The following EXOC4 variants were observed in gnomAD, a reference collection of about 807,000 sequenced individuals.
EXOC4 encodes SEC8-like 1.
Under a neutral mutation model 107.2 loss-of-function variants are expected in EXOC4, and 71 were observed. That is an observed-to-expected ratio of 0.66 (90% CI 0.55 to 0.81). EXOC4 has a LOEUF of 0.81. EXOC4 is among the 30% of genes least tolerant of loss of function. EXOC4 has a pLI of 0.00. For synonymous variants in EXOC4, 456 were observed against 441.2 expected (o/e 1.03, Z -0.42); for missense variants, 1,108 against 1,189.6 (o/e 0.93, Z 1.01).
intron 10 of EXOC4, among the ~76,000 whole-genome samples, chr7:133,760,851 C>G (rs1047194696): frequency 1.3e-5 from 2 of 152,028 alleles, no homozygotes; most frequent in Non-Finnish European, 2.9e-5. Context: ...ATTTCCAAGG[C>G]TTAGGAAATG....
downstream of EXOC4, among the ~76,000 whole-genome samples, chr7:134,067,023 AC>A (rs1796186763): frequency 6.6e-6 from 1 of 151,746 alleles, no homozygotes; most frequent in Non-Finnish European, 1.5e-5. Flanking sequence ...GGTGGTGCAC[AC>A]CTGTAATCCC....
At chr7:133,302,400 A>G (rs544888185) in intron 3 of EXOC4, among the ~76,000 whole-genome samples, 1 of 152,284 alleles carries the variant, frequency 6.6e-6, no homozygotes, top group East Asian at 1.9e-4. Flanking sequence ...ATTCACTGGT[A>G]GTCATATCTG....
chr7:133,724,075 A>C (rs748456228), intron 10 of EXOC4, among the ~76,000 whole-genome samples: 4 of 152,214 alleles, frequency 2.6e-5, no homozygotes, highest in Non-Finnish European at 5.9e-5. Flanking sequence ...AGAGCCAAAA[A>C]TCTTACATAA....
intron 13 of EXOC4, among the ~76,000 whole-genome samples, chr7:133,929,756 G>T (rs942266863): frequency 2.0e-5 from 3 of 151,982 alleles, no homozygotes; most frequent in Non-Finnish European, 2.9e-5. Context: ...CATGTCTACT[G>T]CTCCCTTCTT....
At chr7:133,808,893 T>A (rs1797147126) in intron 10 of EXOC4, among the ~76,000 whole-genome samples, 1 of 152,184 alleles carries the variant, frequency 6.6e-6, no homozygotes, top group South Asian at 2.1e-4. Context: ...CTGTTATTAG[T>A]GCTGTTTGCC....
Position 134,064,647 on chromosome 7 carries a change from A to G in EXOC4, c.*119A>G. On this transcript the variant is annotated 3_prime_UTR_variant, in exon 18 of 18. Coordinates refer to ENST00000253861, the MANE Select transcript of EXOC4 (RefSeq NM_021807.4). ...CTACAGTGATACTTTAGTGGAGAGGAGGTGTAAGGATTCTTTCTCTCTGGT... is the reference window on the plus strand; with the variant it reads ...CTACAGTGATACTTTAGTGGAGAGGGGGTGTAAGGATTCTTTCTCTCTGGT... 1.6e-6 allele frequency: 1 copy of G among 644,252 alleles called. No homozygotes were observed. The highest frequency in any genetic ancestry group is 2.6e-5 in the South Asian group (1 of 37,876). The allele number at this position is 644,252 out of a possible 1,614,324, so 39.9% of individuals were successfully genotyped here.
chr7:133,334,745 C>T (rs1168424415), intron 5 of EXOC4, among the ~76,000 whole-genome samples: 1 of 152,032 alleles, frequency 6.6e-6, no homozygotes, highest in East Asian at 1.9e-4. Flanking sequence ...CCAATGGGCC[C>T]CAGTGTGCAT....
chr7:134,075,279 G>C, the EXOC4 span, among the ~76,000 whole-genome samples: 1 of 152,198 alleles, frequency 6.6e-6, no homozygotes, highest in African/African-American at 2.4e-5. Context: ...GTTTTCATTA[G>C]GTTCTCAATA....
At chr7:133,912,482 CA>C (rs1276807215) in intron 12 of EXOC4, among the ~76,000 whole-genome samples, 10 of 152,172 alleles carry the variant, frequency 6.6e-5, no homozygotes, top group Non-Finnish European at 1.5e-4. Flanking sequence ...GGGCATGGCA[CA>C]GAGTGATCTT....
intron 1 of EXOC4, 74 bp from the exon 2 acceptor site, chr7:133,274,908 C>G (rs1358170557): frequency 9.8e-6 from 12 of 1,228,866 alleles, no homozygotes; most frequent in Non-Finnish European, 1.2e-5. Context: ...TTGCATTTTA[C>G]TTTCTGCTTC....
In EXOC4 at chr7:133,436,049, T is replaced by G. The variant is rs936980012; in HGVS notation, c.1183-39279T>G. Reference sequence around the variant, plus strand: ...GGAAAGAATTTGAATTATCTCAGTGTTTTTTTTTTTTTGTTTTTTTAAAGG... The same window carrying G: ...GGAAAGAATTTGAATTATCTCAGTGGTTTTTTTTTTTTGTTTTTTTAAAGG... On this transcript the variant is annotated intron_variant, in intron 7 of 17. Coordinates refer to ENST00000253861, the MANE Select transcript of EXOC4 (RefSeq NM_021807.4). 4.9e-4 allele frequency among the ~76,000 whole-genome samples: 5 copies of G among 10,274 alleles called. No homozygotes were observed. The South Asian group carries it at 0.048, about 98-fold the overall frequency. The allele number at this position is 10,274 out of a possible 152,430, so 6.7% of individuals were successfully genotyped here. A position where few individuals can be genotyped will look rare whatever the true frequency, so the allele number is the denominator to read the frequency against.
intron 11 of EXOC4, among the ~76,000 whole-genome samples, chr7:133,892,755 C>G (rs2116503343): frequency 7.6e-6 from 1 of 131,498 alleles, no homozygotes; most frequent in East Asian, 2.2e-4. Context: ...AGTCTTAATC[C>G]TGAGTTCTAG....
At position 133,305,996 on chromosome 7, in the gene EXOC4, C is replaced by T. The variant is rs1563010962; in HGVS notation, c.591C>T (p.His197=). Residue 197 remains histidine (H), a synonymous_variant, in exon 4 of 18, where the codon CAC becomes CAT. Transcript: ENST00000253861. ...NLHLVLIDEL[H]RHLYIKSTSR... is the part of the protein sequence containing the mutation. ...ACTTGGTTCTCATAGATGAACTACA[C>T]CGGCACCTGTACATCAAATCGACTA... 1.2e-6 allele frequency: 2 copies of T among 1,613,900 alleles called. No homozygotes were observed. Among genetic ancestry groups the T allele is most frequent in the South Asian group, 1.1e-5 (1 of 91,044 alleles).
At chr7:133,429,056 G>A (rs532207791) in intron 7 of EXOC4, among the ~76,000 whole-genome samples, 5 of 152,276 alleles carry the variant, frequency 3.3e-5, no homozygotes, top group African/African-American at 7.2e-5. Context: ...CAAGAGAGGC[G>A]TGGTTTGAGA....
chr7:134,056,553 T>C (rs1159115763), intron 17 of EXOC4, among the ~76,000 whole-genome samples: 3 of 152,250 alleles, frequency 2.0e-5, no homozygotes, highest in Non-Finnish European at 2.9e-5. Flanking sequence ...CTTAATGGAC[T>C]GAATAATTAT....
intron 7 of EXOC4, among the ~76,000 whole-genome samples, chr7:133,405,353 G>T (rs908022287): frequency 1.2e-4 from 18 of 152,112 alleles, no homozygotes; most frequent in African/African-American, 4.3e-4. Flanking sequence ...AAATATTTGA[G>T]TAAAGATAGA....
intron 11 of EXOC4, among the ~76,000 whole-genome samples, chr7:133,885,645 A>T (rs1302560922): frequency 6.6e-6 from 1 of 152,110 alleles, no homozygotes; most frequent in African/African-American, 2.4e-5. Flanking sequence ...CACAGAAGGG[A>T]CATTTAAATC....
intron 7 of EXOC4, among the ~76,000 whole-genome samples, chr7:133,434,733 G>T (rs553792746): frequency 2.4e-4 from 37 of 152,242 alleles, no homozygotes; most frequent in African/African-American, 7.9e-4. Context: ...CTTGTGTGCC[G>T]GACTGAAATG....
chr7:133,510,196 G>A (rs988602403), intron 9 of EXOC4, among the ~76,000 whole-genome samples: 4 of 152,076 alleles, frequency 2.6e-5, no homozygotes, highest in Non-Finnish European at 5.9e-5. Context: ...TAACTTTTGG[G>A]ACATTTCTTA....
Sources: allele counts gnomAD v4.1 joint callset (sites outside exome capture counted in the v4.1 genomes callset), GRCh38; gene constraint gnomAD v4.1.1; transcripts MANE v1.5; gene names NCBI Gene and HGNC (gene_info 2026-07-23, HGNC 2026-07-21).